The following NAV2 variants were observed in gnomAD, a reference collection of about 807,000 sequenced individuals.
NAV2 encodes helicase, APC down-regulated 1.
Under a neutral mutation model 223.2 loss-of-function variants are expected in NAV2, and 54 were observed. The observed-to-expected ratio is 0.24, with a 90% CI of 0.19 to 0.30. NAV2 has a LOEUF of 0.30. NAV2 is among the 10% of genes least tolerant of loss of function. The probability of loss-of-function intolerance (pLI) is 1.00; values close to 1 mark genes in which losing one functional copy is unlikely to be tolerated. For missense variants in NAV2, 2,806 were observed against 3,147.5 expected (o/e 0.89, Z 2.60); for synonymous variants, 1,279 against 1,239.3 (o/e 1.03, Z -0.67).
At chr11:19,960,290 C>A (rs983691806) in intron 10 of NAV2, among the ~76,000 whole-genome samples, 1 of 152,182 alleles carries the variant, frequency 6.6e-6, no homozygotes, top group Non-Finnish European at 1.5e-5. Flanking sequence ...CCATCCTACT[C>A]TGGAGCTCCG....
At chr11:20,031,499 G>A (rs1163455518) in intron 11 of NAV2, among the ~76,000 whole-genome samples, 1 of 152,164 alleles carries the variant, frequency 6.6e-6, no homozygotes, top group Admixed American at 6.6e-5. Flanking sequence ...GTTAGCATGA[G>A]TATGCCAAGT....
At chr11:20,065,699 T>A (rs577627407) in intron 20 of NAV2, among the ~76,000 whole-genome samples, 1 of 152,210 alleles carries the variant, frequency 6.6e-6, no homozygotes, top group Non-Finnish European at 1.5e-5. Flanking sequence ...GTGGGCACAG[T>A]GACAGACAGT....
intron 22 of NAV2, among the ~76,000 whole-genome samples, chr11:20,076,598 A>G (rs1419930024): frequency 6.6e-6 from 1 of 152,170 alleles, no homozygotes. Context: ...CTTTAATAAC[A>G]TTACCAGGAT....
chr11:19,860,159 C>T (rs2061652244), intron 3 of NAV2, among the ~76,000 whole-genome samples: 1 of 144,586 alleles, frequency 6.9e-6, no homozygotes, highest in African/African-American at 2.6e-5. Context: ...GGCGGCTGGC[C>T]AGGCGGGGGG....
At chr11:20,091,426 C>T (rs905846468) in intron 27 of NAV2, among the ~76,000 whole-genome samples, 1 of 152,152 alleles carries the variant, frequency 6.6e-6, no homozygotes, top group Admixed American at 6.5e-5. Flanking sequence ...CATATTGTTC[C>T]CTCCACTGGG....
chr11:19,905,421 A>T (rs1023851347), intron 6 of NAV2, among the ~76,000 whole-genome samples: 3 of 152,172 alleles, frequency 2.0e-5, no homozygotes, highest in Non-Finnish European at 4.4e-5. Context: ...ATTATTTTTT[A>T]AAAAATCTAT....
At chr11:19,772,952 G>A (rs929105023) in intron 1 of NAV2, among the ~76,000 whole-genome samples, 1 of 152,200 alleles carries the variant, frequency 6.6e-6, no homozygotes, top group African/African-American at 2.4e-5. Context: ...GACAGAGGCT[G>A]GGCTTGCAGA....
At chr11:19,387,096 T>C (rs1009912346) in intron 1 of NAV2, among the ~76,000 whole-genome samples, 1 of 152,202 alleles carries the variant, frequency 6.6e-6, no homozygotes, top group African/African-American at 2.4e-5. Context: ...TCTCATTTGC[T>C]AAGTGTGCTC....
Position 19,933,942 on chromosome 11 carries a change from AC to A in NAV2, c.1700del (p.Pro567GlnfsTer3), listed in dbSNP as rs2045613961. On this transcript the variant is annotated frameshift_variant, in exon 7 of 38. Transcript: ENST00000349880. LOFTEE classifies it high-confidence loss of function. This position sits in a 1 kb window ranked among gnomAD's most constrained non-coding sequence, Gnocchi z 4.3. ...CCCCTTCCCACAGTGGAATACCAAAACCAGGAATGAAAAGCATGCCCGGGAA... is the reference window on the plus strand; with the variant it reads ...CCCCTTCCCACAGTGGAATACCAAAACAGGAATGAAAAGCATGCCCGGGAA... ...MAPSHSGIPKPGMKSMPGKSP... is the reference protein window; with the variant it reads ...MAPSHSGIPKXGMKSMPGKSP... The A allele has an allele frequency of 6.3e-7, 1 of 1,595,696 alleles. No homozygotes were observed. Among genetic ancestry groups the A allele is most frequent in the Admixed American group, 1.8e-5 (1 of 56,224 alleles).
At chr11:19,423,307 A>C (rs1011607606) in intron 1 of NAV2, among the ~76,000 whole-genome samples, 4 of 152,204 alleles carry the variant, frequency 2.6e-5, no homozygotes, top group Non-Finnish European at 4.4e-5. Flanking sequence ...ACTGGTAAGC[A>C]CCCAACCACT....
At chr11:19,724,685 C>A (rs970272844) in intron 1 of NAV2, among the ~76,000 whole-genome samples, 3 of 152,218 alleles carry the variant, frequency 2.0e-5, no homozygotes, top group African/African-American at 7.2e-5. Context: ...CTCACAAGGG[C>A]ACTGGGGGCA....
At chr11:19,570,567 G>T (rs1263229038) in intron 1 of NAV2, among the ~76,000 whole-genome samples, 1 of 152,064 alleles carries the variant, frequency 6.6e-6, no homozygotes, top group Non-Finnish European at 1.5e-5. Flanking sequence ...TATATCAAAA[G>T]CTCAATGTTA....
At chr11:19,626,056 A>G (rs59385879) in intron 1 of NAV2, among the ~76,000 whole-genome samples, 1 of 151,790 alleles carries the variant, frequency 6.6e-6, no homozygotes, top group African/African-American at 2.4e-5. Flanking sequence ...ATATTTGTTT[A>G]TTTTTGCTTT....
At chr11:19,944,069 C>T (rs1045521072) in intron 8 of NAV2, among the ~76,000 whole-genome samples, 6 of 151,994 alleles carry the variant, frequency 3.9e-5, no homozygotes, top group Admixed American at 1.3e-4. Flanking sequence ...GGTGTGGTGG[C>T]GGGCGCCTGT....
chr11:19,494,127 T>C (rs928139888), intron 1 of NAV2, among the ~76,000 whole-genome samples: 10 of 152,180 alleles, frequency 6.6e-5, no homozygotes, highest in African/African-American at 2.4e-4. Flanking sequence ...TGTGTGACTC[T>C]CCTGGAGAAG....
In NAV2 at chr11:19,513,421, T is replaced by C. The variant is rs547527663; in HGVS notation, c.75+162394T>C. Among the ~76,000 whole-genome samples the C allele has an allele frequency of 1.1e-4, 17 of 152,288 alleles. No individual in the cohort carries two copies. In the South Asian group the frequency reaches 2.3e-3, roughly 20 times the overall value. On this transcript the variant is annotated intron_variant, in intron 1 of 37. Transcript: ENST00000360655. Reference sequence around the variant, plus strand: ...AGATCCCAGGGTGATGGCACCCTGATGTGGCTGCCACACTCCTTTCATTGT... The same window carrying C: ...AGATCCCAGGGTGATGGCACCCTGACGTGGCTGCCACACTCCTTTCATTGT...
At chr11:19,413,500 T>C (rs1850232576) in intron 1 of NAV2, among the ~76,000 whole-genome samples, 1 of 152,178 alleles carries the variant, frequency 6.6e-6, no homozygotes, top group Admixed American at 6.5e-5. Flanking sequence ...GTAAACACTC[T>C]TCAGGATATT....
chr11:19,656,008 A>G (rs1258576470), intron 1 of NAV2, among the ~76,000 whole-genome samples: 1 of 152,210 alleles, frequency 6.6e-6, no homozygotes, highest in Non-Finnish European at 1.5e-5. Flanking sequence ...CTTGGTTTTC[A>G]AAGAGACAAG....
intron 1 of NAV2, among the ~76,000 whole-genome samples, chr11:19,775,897 G>A (rs925511000): frequency 7.2e-5 from 11 of 152,192 alleles, no homozygotes; most frequent in Non-Finnish European, 1.5e-4. Flanking sequence ...GGGAGACCAG[G>A]TTGCAGGTCA....
Sources: allele counts gnomAD v4.1 joint callset (sites outside exome capture counted in the v4.1 genomes callset), GRCh38; gene constraint gnomAD v4.1.1; non-coding constraint Gnocchi (gnomAD v3.1); transcripts MANE v1.5; gene names NCBI Gene and HGNC (gene_info 2026-07-23, HGNC 2026-07-21).